The following AFAP1 variants were observed in gnomAD, a reference collection of about 807,000 sequenced individuals.
The protein encoded by AFAP1 is actin filament-associated protein 1.
AFAP1 carries 75 observed loss-of-function variants against 93.9 expected under a neutral mutation model. That is an observed-to-expected ratio of 0.80 (90% CI 0.66 to 0.97). AFAP1 has a LOEUF of 0.97. Ranked by LOEUF, AFAP1 falls within the 50% of genes least tolerant of loss-of-function variation. The pLI, the probability that AFAP1 is intolerant of heterozygous loss-of-function variation, is 0.00. For synonymous variants in AFAP1, 517 were observed against 430.7 expected (o/e 1.20, Z -2.48); for missense variants, 1,201 against 1,050.8 (o/e 1.14, Z -1.98).
At chr4:7,779,251 GA>G in intron 13 of AFAP1, 1 of 202,036 alleles carries the variant, frequency 4.9e-6, no homozygotes, top group Non-Finnish European at 1.0e-5. Flanking sequence ...ATTTCAGTGG[GA>G]TGCCTTTTAG....
intron 8 of AFAP1, among the ~76,000 whole-genome samples, chr4:7,812,711 C>A (rs561924329): frequency 3.3e-5 from 5 of 152,178 alleles, no homozygotes; most frequent in Non-Finnish European, 7.3e-5. Flanking sequence ...AGACTAACGC[C>A]GGGCATTCTC....
chr4:7,784,036 C>A (rs1042997889), intron 12 of AFAP1, among the ~76,000 whole-genome samples: 1 of 151,476 alleles, frequency 6.6e-6, no homozygotes, highest in African/African-American at 2.4e-5. Context: ...TGAAGAAGGG[C>A]TCAGGGGCTG....
chr4:7,824,947 G>C (rs1355509806), intron 6 of AFAP1, among the ~76,000 whole-genome samples: 1 of 152,134 alleles, frequency 6.6e-6, no homozygotes, highest in Non-Finnish European at 1.5e-5. Flanking sequence ...TGTTTCAAAA[G>C]ACTGAAAGTC....
intron 10 of AFAP1, chr4:7,798,944 C>G (rs1411447059): frequency 2.0e-6 from 2 of 986,874 alleles, no homozygotes; most frequent in East Asian, 1.1e-4. Context: ...CTTCTCAGAT[C>G]TGCTGTCAGA....
intron 2 of AFAP1, among the ~76,000 whole-genome samples, chr4:7,871,641 G>GTCC (rs1717058178): frequency 6.6e-6 from 1 of 152,176 alleles, no homozygotes; most frequent in African/African-American, 2.4e-5. Flanking sequence ...GCTGCAGTGC[G>GTCC]TCCTGCACAC....
chr4:7,772,866 G>A lies in AFAP1; in HGVS notation c.2207C>T (p.Thr736Ile). 4 of 1,614,086 alleles carry A rather than the reference G, an allele frequency of 2.5e-6. No homozygotes were observed. In the South Asian group the frequency reaches 4.4e-5, roughly 18 times the overall value. ...SLKKALAGGV[T>I]LGLAIEPKSG... is the part of the protein sequence containing the mutation. The stretch of plus-strand genomic sequence containing the variant: ...CTTGGGCTCGATGGCCAGCCCCAGG[G>A]TGACTCCGCCCGCCAGCGCTTTCTT... The change falls in exon 16 of 18, where the codon ACC becomes ATC. Residue 736 changes from threonine to isoleucine, a missense_variant. By Grantham distance (89) the Thr-to-Ile change is moderately conservative. Transcript: ENST00000420658.
Position 7,800,640 on chromosome 4 carries a change from C to A in AFAP1, c.1068G>T (p.Val356=). 1 of 1,614,200 alleles carries A rather than the reference C, an allele frequency of 6.2e-7. No individual in the cohort carries two copies. Among genetic ancestry groups the A allele is most frequent in the Non-Finnish European group, 8.5e-7 (1 of 1,180,028 alleles). Residue 356 remains valine, a synonymous_variant, in exon 10 of 18, where the codon GTG becomes GTT. Coordinates refer to ENST00000420658, the MANE Select transcript of AFAP1 (RefSeq NM_001134647.2). ...GCTCTCGCCAGCGGCTGTTGGAGAG[C>A]ACGTTCAGATAGCCTGCGGAGACAC... ...EDVPTCGYLN[V]LSNSRWRERW... is the part of the protein sequence containing the mutation.
chr4:7,789,620 C>G (rs897151996), intron 11 of AFAP1, among the ~76,000 whole-genome samples: 2 of 147,882 alleles, frequency 1.4e-5, no homozygotes, highest in Non-Finnish European at 3.0e-5. Context: ...TCTTCATCCT[C>G]ACCATCCCAT....
chr4:7,759,360 G>T lies in AFAP1; in HGVS notation c.*4405C>A. 1 of 152,780 alleles carries T rather than the reference G, an allele frequency of 6.5e-6. No individual in the cohort carries two copies. The allele number at this position is 152,780 out of a possible 1,614,324, so 9.5% of individuals were successfully genotyped here. Reference sequence around the variant, plus strand: ...ACTATTTCATGAACTACGGGCGAAAGGATGCGTCTGACGCCCACCACTTCC... The same window carrying T: ...ACTATTTCATGAACTACGGGCGAAATGATGCGTCTGACGCCCACCACTTCC... On this transcript the variant is annotated 3_prime_UTR_variant, in exon 18 of 18. Transcript: ENST00000420658.
chr4:7,895,263 C>G (rs1371778348), intron 1 of AFAP1, among the ~76,000 whole-genome samples: 1 of 152,208 alleles, frequency 6.6e-6, no homozygotes, highest in Non-Finnish European at 1.5e-5. Context: ...AAACGAGGAT[C>G]ATCAGAGGCT....
chr4:7,793,629 GA>G lies in AFAP1; in HGVS notation c.1412+51del, dbSNP rs1406393490. ...AAAAACTAAGTTAAGCTAAGTTAGG[GA>G]AAAGACAGTTACTGAACTGTGGTGC... On this transcript the variant is annotated intron_variant, in intron 11 of 17. Transcript: ENST00000420658. 2.1e-6 allele frequency: 3 copies of G among 1,427,382 alleles called. No homozygotes were observed. In the East Asian group the frequency reaches 7.3e-5, roughly 35 times the overall value. 88.4% of individuals were successfully genotyped at this position (1,427,382 alleles called of 1,614,324 possible).
At chr4:7,867,818 G>A (rs1340059378) in intron 3 of AFAP1, among the ~76,000 whole-genome samples, 3 of 152,082 alleles carry the variant, frequency 2.0e-5, no homozygotes, top group Non-Finnish European at 2.9e-5. Context: ...GAGAAGCCCT[G>A]AGTCCCTCCA....
At chr4:7,920,047 G>C (rs1288223928) in intron 1 of AFAP1, among the ~76,000 whole-genome samples, 2 of 152,140 alleles carry the variant, frequency 1.3e-5, no homozygotes, top group African/African-American at 2.4e-5. Flanking sequence ...ATCATTGATG[G>C]GCGTTTGGGT....
chr4:7,824,235 C>T (rs1721229753), intron 6 of AFAP1, among the ~76,000 whole-genome samples: 1 of 152,206 alleles, frequency 6.6e-6, no homozygotes, highest in Non-Finnish European at 1.5e-5. Context: ...TTCAGAATCG[C>T]AAATCCTCCA....
chr4:7,925,165 C>T (rs1235985200), intron 1 of AFAP1, among the ~76,000 whole-genome samples: 1 of 149,006 alleles, frequency 6.7e-6, no homozygotes, highest in Non-Finnish European at 1.5e-5. Flanking sequence ...CTTTATTTCC[C>T]CCAAAGAATA....
intron 13 of AFAP1, 135 bp downstream of exon 13, chr4:7,781,241 T>C: frequency 1.7e-6 from 2 of 1,159,884 alleles, no homozygotes; most frequent in East Asian, 2.6e-5. Context: ...GGCTGCAAAT[T>C]ATATTCTAGT....
chr4:7,796,139 C>A (rs1021626653), intron 10 of AFAP1, among the ~76,000 whole-genome samples: 1 of 152,098 alleles, frequency 6.6e-6, no homozygotes, highest in African/African-American at 2.4e-5. Context: ...TCTGGCCCGC[C>A]GGCAGAAGTG....
At chr4:7,891,743 T>TAAAAAA (rs778916445) in intron 1 of AFAP1, among the ~76,000 whole-genome samples, 1 of 62,800 alleles carries the variant, frequency 1.6e-5, no homozygotes, top group Non-Finnish European at 3.0e-5. Context: ...ATGGTCTCAT[T>TAAAAAA]AAAAAAAAAA....
At chr4:7,844,984 G>T (rs1022482434) in intron 4 of AFAP1, among the ~76,000 whole-genome samples, 5 of 152,262 alleles carry the variant, frequency 3.3e-5, no homozygotes, top group African/African-American at 1.2e-4. Context: ...GCACAGAAGA[G>T]AACTCATATT....
Sources: allele counts gnomAD v4.1 joint callset (sites outside exome capture counted in the v4.1 genomes callset), GRCh38; gene constraint gnomAD v4.1.1; transcripts MANE v1.5; gene names NCBI Gene and HGNC (gene_info 2026-07-23, HGNC 2026-07-21).